Variants in GADL1 observed in about 807,000 individuals in gnomAD.
The protein encoded by GADL1 is GAD like acidic amino acid decarboxylase 1, also known as acidic amino acid decarboxylase GADL1.
Under a neutral mutation model 69.5 loss-of-function variants are expected in GADL1, and 71 were observed. The observed-to-expected ratio is 1.02, with a 90% CI of 0.84 to 1.25. The LOEUF (loss-of-function observed/expected upper bound fraction) is 1.25. Among genes scored for constraint, GADL1 ranks in the 50% most tolerant of loss-of-function variants. GADL1 has a pLI of 0.00. For synonymous variants in GADL1, 254 were observed against 214.4 expected (o/e 1.18, Z -1.62); for missense variants, 737 against 631.8 (o/e 1.17, Z -1.79).
chr3:30,785,522 C>T (rs944431377), intron 13 of GADL1, among the ~76,000 whole-genome samples: 3 of 151,924 alleles, frequency 2.0e-5, no homozygotes, highest in Non-Finnish European at 2.9e-5. Context: ...GCTGGGATTA[C>T]AAGCATGAGC....
intron 1 of GADL1, among the ~76,000 whole-genome samples, chr3:30,879,316 A>G (rs577339849): frequency 1.3e-5 from 2 of 152,006 alleles, no homozygotes; most frequent in East Asian, 3.9e-4. Context: ...AATGCATCCC[A>G]TAGCTTTTGC....
intron 12 of GADL1, chr3:30,799,269 C>T (rs1421958443): frequency 1.3e-5 from 2 of 152,284 alleles, no homozygotes; most frequent in Non-Finnish European, 2.9e-5. Context: ...CATACCTCTT[C>T]TGAAATTTAG....
In GADL1 at chr3:30,839,053, G is replaced by C. The variant is rs1458370411; in HGVS notation, c.847C>G (p.Pro283Ala). Residue 283 changes from proline to alanine, a missense_variant, in exon 9 of 15, where the codon CCT becomes GCT. Transcript: ENST00000282538. ...SGTTVLGAFD[P>A]LDEIADICER... ...CAGATGTCTGCTATTTCATCCAGAG[G>C]GTCAAAAGCTCCCAACACAGTTGTA... is the stretch of plus-strand genomic sequence containing the variant. The C allele has an allele frequency of 1.9e-6, 3 of 1,606,994 alleles. No individual in the cohort carries two copies. In the East Asian group the frequency reaches 6.8e-5, roughly 36 times the overall value.
In GADL1 at chr3:30,728,061, G is replaced by T; in HGVS notation, c.*181C>A. 3 of 503,676 alleles carry T rather than the reference G, an allele frequency of 6.0e-6. No individual in the cohort carries two copies. The highest frequency in any genetic ancestry group is 3.2e-5 in the Admixed American group (1 of 31,464). 31.2% of individuals were successfully genotyped at this position (503,676 alleles called of 1,614,324 possible). A position where few individuals can be genotyped will look rare whatever the true frequency, so the allele number is the denominator to read the frequency against. ...ACTTTCTTCTTTTAGCAACAGTAAT[G>T]CCCAGGCAGCTAGAGAGTCCTTAAT... On this transcript the variant is annotated 3_prime_UTR_variant, in exon 15 of 15. Transcript: ENST00000282538.
chr3:30,770,400 G>T (rs1163556668), intron 14 of GADL1, among the ~76,000 whole-genome samples: 1 of 152,152 alleles, frequency 6.6e-6, no homozygotes, highest in Non-Finnish European at 1.5e-5. Flanking sequence ...TGATAAACTT[G>T]GCTCATGTGC....
intron 14 of GADL1, among the ~76,000 whole-genome samples, chr3:30,775,254 T>C (rs1350975916): frequency 6.6e-6 from 1 of 152,192 alleles, no homozygotes; most frequent in Non-Finnish European, 1.5e-5. Flanking sequence ...AAATGGAAGA[T>C]TTATCGCACC....
intron 11 of GADL1, among the ~76,000 whole-genome samples, chr3:30,803,129 G>A (rs1395010996): frequency 6.6e-6 from 1 of 152,188 alleles, no homozygotes; most frequent in African/African-American, 2.4e-5. Flanking sequence ...TATGCCTTCA[G>A]CCTGGTTCTG....
intron 14 of GADL1, among the ~76,000 whole-genome samples, chr3:30,772,506 C>T (rs1321577904): frequency 2.6e-5 from 4 of 152,234 alleles, no homozygotes; most frequent in South Asian, 2.1e-4. Flanking sequence ...CTTTCTCATC[C>T]TCAATATCTG....
chr3:30,741,575 C>T (rs1357392976), intron 14 of GADL1, among the ~76,000 whole-genome samples: 1 of 152,096 alleles, frequency 6.6e-6, no homozygotes, highest in Non-Finnish European at 1.5e-5. Flanking sequence ...GAACTCCCCT[C>T]TCAAAATGTT....
Position 30,850,949 on chromosome 3 carries a change from G to C in GADL1, c.429-8C>G. ...GACACCTCATACGTATAACTAGATAGATATAAAAAACACTTCACTTCTATG... is the reference window on the plus strand; with the variant it reads ...GACACCTCATACGTATAACTAGATACATATAAAAAACACTTCACTTCTATG... On this transcript the variant is annotated splice_region_variant and splice_polypyrimidine_tract_variant and intron_variant, in intron 4 of 14. Coordinates refer to ENST00000282538, the MANE Select transcript of GADL1 (RefSeq NM_207359.3). 6 of 1,470,116 alleles carry C rather than the reference G, an allele frequency of 4.1e-6. No homozygotes were observed. The highest frequency in any genetic ancestry group is 4.7e-6 in the Non-Finnish European group (5 of 1,074,822). The allele number at this position is 1,470,116 out of a possible 1,614,324, so 91.1% of individuals were successfully genotyped here.
intron 14 of GADL1, among the ~76,000 whole-genome samples, chr3:30,752,570 CGAG>C (rs1207548938): frequency 8.5e-5 from 13 of 152,168 alleles, no homozygotes; most frequent in Admixed American, 6.6e-4. Context: ...AACCCAGTCT[CGAG>C]GAGTTATGCG....
intron 11 of GADL1, among the ~76,000 whole-genome samples, chr3:30,831,537 TG>T (rs1697793211): frequency 6.6e-6 from 1 of 151,980 alleles, no homozygotes; most frequent in Non-Finnish European, 1.5e-5. Flanking sequence ...AGTCACGTTT[TG>T]GGGGTGCAAC....
intron 8 of GADL1, 128 bp downstream of exon 8, chr3:30,844,082 C>T (rs990336776): frequency 5.7e-6 from 4 of 698,942 alleles, no homozygotes; most frequent in Non-Finnish European, 1.0e-5. Context: ...TCTCTCTCCT[C>T]TCTCCCACAC....
Position 30,849,769 on chromosome 3 carries a change from ATGT to A in GADL1, c.651+224_651+226del, listed in dbSNP as rs149652718. Among the ~76,000 whole-genome samples the A allele has an allele frequency of 8.3e-3, 1,263 of 152,282 alleles. 62 individuals are homozygous for A. The East Asian group carries it at 0.14, about 17-fold the overall frequency. ...TCAAATTAAATATTCTTTTCTTAAAATGTTGTTACAGACTATAAATTTTAAATA... is the reference window on the plus strand; with the variant it reads ...TCAAATTAAATATTCTTTTCTTAAAATGTTACAGACTATAAATTTTAAATA... On this transcript the variant is annotated intron_variant, in intron 6 of 14. Transcript: ENST00000282538.
At chr3:30,800,232 C>A in intron 12 of GADL1, 1 of 153,382 alleles carries the variant, frequency 6.5e-6, no homozygotes, top group Non-Finnish European at 1.5e-5. Context: ...CTGGGGAGGC[C>A]TCAATTCATG....
chr3:30,873,822 T>C (rs1046232394), intron 1 of GADL1, among the ~76,000 whole-genome samples: 3 of 151,950 alleles, frequency 2.0e-5, no homozygotes, highest in African/African-American at 7.2e-5. Flanking sequence ...TGAATCATTT[T>C]CTAGGTGAAC....
intron 1 of GADL1, among the ~76,000 whole-genome samples, chr3:30,886,673 T>C (rs1025323815): frequency 6.6e-6 from 1 of 152,176 alleles, no homozygotes; most frequent in Middle Eastern, 3.2e-3. Context: ...TGTAACTGTT[T>C]GCTCACCACA....
intron 14 of GADL1, among the ~76,000 whole-genome samples, chr3:30,733,612 C>CCTTT (rs1235899655): frequency 1.3e-5 from 2 of 150,878 alleles, no homozygotes; most frequent in Admixed American, 1.3e-4. Context: ...TTCCTTCCTT[C>CCTTT]CTTCCTTCCT....
At chr3:30,869,750 T>C (rs1315629421) in intron 1 of GADL1, among the ~76,000 whole-genome samples, 2 of 151,832 alleles carry the variant, frequency 1.3e-5, no homozygotes, top group African/African-American at 4.8e-5. Flanking sequence ...ACTCATACTT[T>C]CATGAGATAG....
Sources: allele counts gnomAD v4.1 joint callset (sites outside exome capture counted in the v4.1 genomes callset), GRCh38; gene constraint gnomAD v4.1.1; transcripts MANE v1.5; gene names NCBI Gene and HGNC (gene_info 2026-07-23, HGNC 2026-07-21).